GSC2: variants seen among roughly 807,000 people sequenced by gnomAD.
The protein encoded by GSC2 is homeobox protein goosecoid-2.
In GSC2, 12 loss-of-function variants were observed where a neutral mutation model predicts 11.3. That is an observed-to-expected ratio of 1.06 (90% CI 0.68 to 1.72). The LOEUF is 1.72. Ranked by LOEUF, GSC2 falls within the 40% of genes most tolerant of loss-of-function variation. The probability of loss-of-function intolerance (pLI) is 0.00; values close to 1 mark genes in which losing one functional copy is unlikely to be tolerated. For synonymous variants in GSC2, 148 were observed against 110.0 expected, an observed-to-expected ratio of 1.35 and a Z score of -2.16; for missense variants, 310 against 235.7, an observed-to-expected ratio of 1.32 and a Z score of -2.06.
At position 19,150,120 on chromosome 22, in the gene GSC2, TC is replaced by T; in HGVS notation, c.163del (p.Glu55SerfsTer40). ...GGGCGCAGCCTCGGGCGCCCCGGGC[TC>T]CTCTGGCTTCGCGGGGCTCTGGCGA... ...AGRQSPAKPE[E>X]PGAPEAAPCA... On this transcript the variant is annotated frameshift_variant, in exon 1 of 3. Transcript: ENST00000086933. LOFTEE classifies it high-confidence loss of function. The T allele has an allele frequency of 1.0e-6, 1 of 984,564 alleles. No homozygotes were observed. Among genetic ancestry groups the T allele is most frequent in the Non-Finnish European group, 1.2e-6 (1 of 823,702 alleles). 61.0% of individuals were successfully genotyped at this position (984,564 alleles called of 1,614,324 possible).
At position 19,147,786 on chromosome 22, in the gene GSC2, G is replaced by A. The variant is rs2083800656; in HGVS notation, c.*1205C>T. On this transcript the variant is annotated 3_prime_UTR_variant, in exon 3 of 3. Coordinates refer to ENST00000086933, the MANE Select transcript of GSC2 (RefSeq NM_005315.2). ...CTGGGGAGCTGCAGCCCTGGCTTCTGCAGTCCTGCTTTTAGAGATGGACTT... is the reference window on the plus strand; with the variant it reads ...CTGGGGAGCTGCAGCCCTGGCTTCTACAGTCCTGCTTTTAGAGATGGACTT... Among the ~76,000 whole-genome samples, 1 of 152,126 alleles carries A rather than the reference G, an allele frequency of 6.6e-6. No individual in the cohort carries two copies. Among genetic ancestry groups the A allele is most frequent in the Non-Finnish European group, 1.5e-5 (1 of 68,010 alleles).
At position 19,148,721 on chromosome 22, in the gene GSC2, C is replaced by T; in HGVS notation, c.*270G>A. On this transcript the variant is annotated 3_prime_UTR_variant, in exon 3 of 3. Transcript: ENST00000086933. The stretch of plus-strand genomic sequence containing the variant: ...TCCCCTCCTGCGGTGGAGTTAGTGT[C>T]TCTCGGGGGGTAGGGAGCTGAGGAA... 4.5e-6 allele frequency: 2 copies of T among 444,666 alleles called. No homozygotes were observed. The highest frequency in any genetic ancestry group is 3.8e-5 in the East Asian group (1 of 26,278). 27.5% of individuals were successfully genotyped at this position (444,666 alleles called of 1,614,324 possible).
chr22:19,150,206 G>A lies in GSC2; in HGVS notation c.78C>T (p.Leu26=), dbSNP rs1404107849. The A allele has an allele frequency of 7.1e-6, 3 of 420,652 alleles. No individual in the cohort carries two copies. Among genetic ancestry groups the A allele is most frequent in the Non-Finnish European group, 1.0e-5 (3 of 291,072 alleles). 26.1% of individuals were successfully genotyped at this position (420,652 alleles called of 1,614,324 possible). ...RPCPFSIEHI[L]SSLPERSLPA... ...GGAGGCTCCGCTCGGGCAGGCTGGA[G>A]AGGATGTGCTCGATGGAGAAGGGGC... is the stretch of plus-strand genomic sequence containing the variant. Residue 26 remains leucine, a synonymous_variant, in exon 1 of 3, where the codon CTC becomes CTT. Coordinates refer to ENST00000086933, the MANE Select transcript of GSC2 (RefSeq NM_005315.2).
At position 19,148,198 on chromosome 22, in the gene GSC2, G is replaced by T. The variant is rs2083803227; in HGVS notation, c.*793C>A. ...CCCCAGGGGTCCAAGGCCACCATCCGTGGAGCAGTCCCCTCTGCTGGGGAG... is the reference window on the plus strand; with the variant it reads ...CCCCAGGGGTCCAAGGCCACCATCCTTGGAGCAGTCCCCTCTGCTGGGGAG... On this transcript the variant is annotated 3_prime_UTR_variant, in exon 3 of 3. Transcript: ENST00000086933. 6.6e-6 allele frequency among the ~76,000 whole-genome samples: 1 copy of T among 152,178 alleles called. No individual in the cohort carries two copies. Among genetic ancestry groups the T allele is most frequent in the African/African-American group, 2.4e-5 (1 of 41,444 alleles).
In GSC2 at chr22:19,147,109, C is replaced by T. The variant is rs1308858080; in HGVS notation, c.*1882G>A. On this transcript the variant is annotated 3_prime_UTR_variant, in exon 3 of 3. Coordinates refer to ENST00000086933, the MANE Select transcript of GSC2 (RefSeq NM_005315.2). ...GGTCCAGGGACCAGTTTCGGGTGGG[C>T]GGCTAGCTCTCTGGCTCATGTGCCT... is the stretch of plus-strand genomic sequence containing the variant. Among the ~76,000 whole-genome samples, 2 of 152,112 alleles carry T rather than the reference C, an allele frequency of 1.3e-5. No homozygotes were observed. The highest frequency in any genetic ancestry group is 2.4e-5 in the African/African-American group (1 of 41,420).
rs557358268 is a variant in GSC2 at position 19,148,390 on chromosome 22, A to C, written c.*601T>G. Among the ~76,000 whole-genome samples, 1 of 152,274 alleles carries C rather than the reference A, an allele frequency of 6.6e-6. No homozygotes were observed. Among genetic ancestry groups the C allele is most frequent in the East Asian group, 1.9e-4 (1 of 5,184 alleles). On this transcript the variant is annotated 3_prime_UTR_variant, in exon 3 of 3. Coordinates refer to ENST00000086933, the MANE Select transcript of GSC2 (RefSeq NM_005315.2). Reference sequence around the variant, plus strand: ...TCTGGGCGGCTTCTGTGGTATTTGAAGTTGCTAGTTTCTCAGTATCAGCGC... The same window carrying C: ...TCTGGGCGGCTTCTGTGGTATTTGACGTTGCTAGTTTCTCAGTATCAGCGC...
Position 19,149,911 on chromosome 22 carries a change from G to A in GSC2, c.265C>T (p.Arg89Cys), listed in dbSNP as rs781984609. The A allele has an allele frequency of 1.5e-6, 2 of 1,347,832 alleles. No homozygotes were observed. Among genetic ancestry groups the A allele is most frequent in the South Asian group, 3.6e-5 (2 of 54,950 alleles). 83.5% of individuals were successfully genotyped at this position (1,347,832 alleles called of 1,614,324 possible). A position where few individuals can be genotyped will look rare whatever the true frequency, so the allele number is the denominator to read the frequency against. Residue 89 changes from arginine to cysteine, a missense_variant, in exon 2 of 3, where the codon CGT becomes TGT. Transcript: ENST00000086933. ...PPEAAAGLGARLAWPLRLGPA... is the reference protein window; with the variant it reads ...PPEAAAGLGACLAWPLRLGPA... ...CCCAGCCTCAGCGGCCACGCCAGAC[G>A]AGCGCCTGCGGAGCGAGGGCGCGGT...
chr22:19,147,541 C>T lies in GSC2; in HGVS notation c.*1450G>A, dbSNP rs1375589588. 2.0e-5 allele frequency among the ~76,000 whole-genome samples: 3 copies of T among 152,142 alleles called. No homozygotes were observed. Among genetic ancestry groups the T allele is most frequent in the African/African-American group, 7.2e-5 (3 of 41,424 alleles). ...CAAGGGGCCTGGAGCCTGTGAGATG[C>T]GAGTGTCCCCAGCTGCAAGGGAGCT... On this transcript the variant is annotated 3_prime_UTR_variant, in exon 3 of 3. Coordinates refer to ENST00000086933, the MANE Select transcript of GSC2 (RefSeq NM_005315.2).
chr22:19,149,982 C>T, intron 1 of GSC2, 43 bp downstream of exon 1: 1 of 1,138,906 alleles, frequency 8.8e-7, no homozygotes, highest in East Asian at 4.4e-5. Context: ...GCGCCGCGCC[C>T]CGGGCTCCGC....
At chr22:19,149,425 T>C (rs987767585) in intron 2 of GSC2, among the ~76,000 whole-genome samples, 36 of 152,320 alleles carry the variant, frequency 2.4e-4, no homozygotes, top group Admixed American at 5.9e-4. Context: ...CAGAGGAAAG[T>C]GTAAAACAAA....
chr22:19,150,039 G>T lies in GSC2; in HGVS notation c.245C>A (p.Ala82Glu). The change falls in exon 1 of 3, where the codon GCG becomes GAG. Residue 82 changes from alanine (A) to glutamate (E), a missense_variant. By Grantham distance (107) the Ala-to-Glu change is moderately radical. Coordinates refer to ENST00000086933, the MANE Select transcript of GSC2 (RefSeq NM_005315.2). ...PRAAPCGPPE[A>E]AAGLGARLAW... ...CGCCCACTCACCCAGCCCGGCGGCC[G>T]CCTCTGGGGGCCCGCAGGGCGCCGC... 1 of 1,011,146 alleles carries T rather than the reference G, an allele frequency of 9.9e-7. No individual in the cohort carries two copies. The highest frequency in any genetic ancestry group is 1.2e-6 in the Non-Finnish European group (1 of 848,684). The allele number at this position is 1,011,146 out of a possible 1,614,324, so 62.6% of individuals were successfully genotyped here.
rs782012459 is a variant in GSC2 at position 19,148,810 on chromosome 22, C to T, written c.*181G>A. On this transcript the variant is annotated 3_prime_UTR_variant, in exon 3 of 3. Transcript: ENST00000086933. Reference sequence around the variant, plus strand: ...ACTCCCACTGCCGTGGAACACCAAGCACCGGGGGCCCGTCCCCAGCGCCAC... The same window carrying T: ...ACTCCCACTGCCGTGGAACACCAAGTACCGGGGGCCCGTCCCCAGCGCCAC... 4 of 542,506 alleles carry T rather than the reference C, an allele frequency of 7.4e-6. No individual in the cohort carries two copies. The highest frequency in any genetic ancestry group is 3.9e-5 in the African/African-American group (2 of 50,948). The allele number at this position is 542,506 out of a possible 1,614,324, so 33.6% of individuals were successfully genotyped here.
In GSC2 at chr22:19,150,133, C is replaced by A; in HGVS notation, c.151G>T (p.Ala51Ser). ...PPQPAGRQSP[A>S]KPEEPGAPEA... Reference sequence around the variant, plus strand: ...GGCGCCCCGGGCTCCTCTGGCTTCGCGGGGCTCTGGCGACCGGCGGGCTGC... The same window carrying A: ...GGCGCCCCGGGCTCCTCTGGCTTCGAGGGGCTCTGGCGACCGGCGGGCTGC... The change falls in exon 1 of 3, where the codon GCG becomes TCG. Residue 51 changes from alanine to serine, a missense_variant. Physicochemically the swap from Ala to Ser is moderately conservative, Grantham distance 99. Coordinates refer to ENST00000086933, the MANE Select transcript of GSC2 (RefSeq NM_005315.2). 2 of 967,144 alleles carry A rather than the reference C, an allele frequency of 2.1e-6. No individual in the cohort carries two copies. The highest frequency in any genetic ancestry group is 2.5e-6 in the Non-Finnish European group (2 of 805,952). The allele number at this position is 967,144 out of a possible 1,614,324, so 59.9% of individuals were successfully genotyped here.
chr22:19,148,667 T>G lies in GSC2; in HGVS notation c.*324A>C. ...CGGAGAGACGCTCCACTGCGTAGGA[T>G]TCTGGGTCCCGTGTTGATACGGGGT... On this transcript the variant is annotated 3_prime_UTR_variant, in exon 3 of 3. Coordinates refer to ENST00000086933, the MANE Select transcript of GSC2 (RefSeq NM_005315.2). The G allele has an allele frequency of 9.6e-6, 3 of 313,586 alleles. No homozygotes were observed. The highest frequency in any genetic ancestry group is 6.3e-5 in the East Asian group (1 of 15,998). 19.4% of individuals were successfully genotyped at this position (313,586 alleles called of 1,614,324 possible).
At position 19,150,254 on chromosome 22, in the gene GSC2, G is replaced by A. The variant is rs1569120172; in HGVS notation, c.30C>T (p.Ser10=). The A allele has an allele frequency of 8.8e-6, 2 of 228,422 alleles. No individual in the cohort carries two copies. Among genetic ancestry groups the A allele is most frequent in the Non-Finnish European group, 1.6e-5 (2 of 125,362 alleles). The allele number at this position is 228,422 out of a possible 1,614,324, so 14.1% of individuals were successfully genotyped here. The change falls in exon 1 of 3, where the codon AGC becomes AGT. Residue 10 remains serine (S), a synonymous_variant. Coordinates refer to ENST00000086933, the MANE Select transcript of GSC2 (RefSeq NM_005315.2). ...GGCAGGGCCGCCCGGCACCCCGGCG[G>A]CTCGCCGCGCCCCCAGCCGCTGCCG... MAAAAGGAA[S]RRGAGRPCPF... is the part of the protein sequence containing the mutation.
At chr22:19,149,620 C>A (rs1195410135) in intron 2 of GSC2, 43 bp downstream of exon 2, 13 of 1,484,536 alleles carry the variant, frequency 8.8e-6, no homozygotes, top group Non-Finnish European at 1.2e-5. Context: ...CCAGTGTAGC[C>A]GCGGCCCGCG....
At position 19,147,155 on chromosome 22, in the gene GSC2, C is replaced by A. The variant is rs116262718; in HGVS notation, c.*1836G>T. Reference sequence around the variant, plus strand: ...TGCCTGGTTTGCACAGAAGAGCTCACTGTGGACAAGGTGACCTTAAGGAGT... The same window carrying A: ...TGCCTGGTTTGCACAGAAGAGCTCAATGTGGACAAGGTGACCTTAAGGAGT... On this transcript the variant is annotated 3_prime_UTR_variant, in exon 3 of 3. Transcript: ENST00000086933. Among the ~76,000 whole-genome samples the A allele has an allele frequency of 7.2e-3, 1,102 of 152,284 alleles. 15 individuals are homozygous for A. Among genetic ancestry groups the A allele is most frequent in the African/African-American group, 0.025 (1,030 of 41,530 alleles).
At chr22:19,149,633 C>T (rs2083815309) in intron 2 of GSC2, 30 bp downstream of exon 2, 1 of 1,499,964 alleles carries the variant, frequency 6.7e-7, no homozygotes, top group East Asian at 2.8e-5. Flanking sequence ...GGCCCGCGCG[C>T]TCCGGGGAAA....
At position 19,148,161 on chromosome 22, in the gene GSC2, G is replaced by A. The variant is rs781235419; in HGVS notation, c.*830C>T. 9.9e-5 allele frequency among the ~76,000 whole-genome samples: 15 copies of A among 152,166 alleles called. No individual in the cohort carries two copies. Among genetic ancestry groups the A allele is most frequent in the African/African-American group, 1.7e-4 (7 of 41,432 alleles). ...TGGGCAGGTTCACAGTAGCCTAGAG[G>A]CCAGGGCTGGACCCCAGGGGTCCAA... On this transcript the variant is annotated 3_prime_UTR_variant, in exon 3 of 3. Coordinates refer to ENST00000086933, the MANE Select transcript of GSC2 (RefSeq NM_005315.2).
Sources: gnomAD v4.1 joint callset for allele counts (sites outside exome capture counted in the v4.1 genomes callset) on GRCh38, gnomAD v4.1.1 for gene constraint, MANE v1.5 for transcripts, NCBI Gene and HGNC (gene_info 2026-07-23, HGNC 2026-07-21) for gene names.